MGMT: variants seen among roughly 807,000 people sequenced by gnomAD.
The protein encoded by MGMT is methylated-DNA--protein-cysteine methyltransferase.
In MGMT, 14 loss-of-function variants were observed where a neutral mutation model predicts 15.9. That is an observed-to-expected ratio of 0.88 (90% confidence interval 0.58 to 1.37). The LOEUF (loss-of-function observed/expected upper bound fraction) is 1.37, where lower values mean the gene tolerates loss of function less well. MGMT is among the 40% of genes most tolerant of loss of function. The probability of loss-of-function intolerance (pLI) is 0.00; values close to 1 mark genes in which losing one functional copy is unlikely to be tolerated. For synonymous variants in MGMT, 130 were observed against 118.2 expected (o/e 1.10, Z -0.65); for missense variants, 282 against 268.1 (o/e 1.05, Z -0.36).
chr10:129,734,269 C>T (rs1848535130), intron 3 of MGMT, among the ~76,000 whole-genome samples: 1 of 138,840 alleles, frequency 7.2e-6, no homozygotes, highest in Non-Finnish European at 1.6e-5. Flanking sequence ...TTGAAGAGGT[C>T]CTTCACATCC....
At chr10:129,534,081 CGTT>C (rs1279785364) in intron 1 of MGMT, among the ~76,000 whole-genome samples, 4 of 152,126 alleles carry the variant, frequency 2.6e-5, no homozygotes, top group Non-Finnish European at 4.4e-5. Context: ...CTCGTGCCGA[CGTT>C]GTGATTTGGT....
At chr10:129,627,022 G>A (rs190566069) in intron 2 of MGMT, among the ~76,000 whole-genome samples, 33 of 152,308 alleles carry the variant, frequency 2.2e-4, no homozygotes, top group Admixed American at 3.3e-4. Context: ...GCCACCCGCC[G>A]TGTCCCTCAC....
At chr10:129,679,501 G>C (rs578219513) in intron 2 of MGMT, among the ~76,000 whole-genome samples, 118 of 152,226 alleles carry the variant, frequency 7.8e-4, no homozygotes, top group Non-Finnish European at 1.2e-3. Flanking sequence ...AGAAATGTTG[G>C]TATGTTTCAA....
rs1848977989 is a variant in MGMT at position 129,769,547 on chromosome 10, C to G, written c.*2550C>G. On this transcript the variant is annotated 3_prime_UTR_variant, in exon 5 of 5. Coordinates refer to ENST00000651593, the MANE Select transcript of MGMT (RefSeq NM_002412.5). ...GAGACCCGCCGTGCACGACAGCCAC[C>G]TCGCAGCCACTCAGACCGGCGGACC... is the stretch of plus-strand genomic sequence containing the variant. 6.6e-6 allele frequency: 1 copy of G among 151,878 alleles called. No homozygotes were observed. Among genetic ancestry groups the G allele is most frequent in the South Asian group, 2.1e-4 (1 of 4,814 alleles). The allele number at this position is 151,878 out of a possible 1,614,324, so 9.4% of individuals were successfully genotyped here.
intron 2 of MGMT, among the ~76,000 whole-genome samples, chr10:129,540,566 A>G (rs1385429262): frequency 2.0e-5 from 3 of 152,212 alleles, no homozygotes; most frequent in African/African-American, 4.8e-5. Flanking sequence ...ATGTGTTGAC[A>G]TAGTCATGTG....
At chr10:129,472,328 G>A (rs893517977) in intron 1 of MGMT, among the ~76,000 whole-genome samples, 2 of 152,060 alleles carry the variant, frequency 1.3e-5, no homozygotes, top group Non-Finnish European at 2.9e-5. Context: ...GTCTACCCGG[G>A]TAAGTATAGG....
intron 2 of MGMT, among the ~76,000 whole-genome samples, chr10:129,633,651 C>T (rs188277024): frequency 4.6e-5 from 7 of 152,342 alleles, no homozygotes; most frequent in Admixed American, 3.3e-4. Flanking sequence ...CCTCCCATCT[C>T]ACAGCCCCCA....
chr10:129,642,063 G>C (rs1055230954), intron 2 of MGMT, among the ~76,000 whole-genome samples: 2 of 152,166 alleles, frequency 1.3e-5, no homozygotes, highest in Admixed American at 1.3e-4. Flanking sequence ...AACAGACACA[G>C]AGAACCCTTG....
At chr10:129,508,286 G>A (rs1023406681) in intron 1 of MGMT, among the ~76,000 whole-genome samples, 1 of 152,196 alleles carries the variant, frequency 6.6e-6, no homozygotes, top group Non-Finnish European at 1.5e-5. Context: ...CTGGTGATAC[G>A]TGGCAGGTCC....
chr10:129,598,722 TTAAG>T (rs1846782113), intron 2 of MGMT, among the ~76,000 whole-genome samples: 1 of 152,194 alleles, frequency 6.6e-6, no homozygotes, highest in Non-Finnish European at 1.5e-5. Context: ...TAGTAGATAA[TTAAG>T]TGTCTGCTTC....
chr10:129,716,003 T>C (rs4750767), intron 3 of MGMT, among the ~76,000 whole-genome samples: 152,185 of 152,298 alleles, frequency 1, 76,036 homozygotes, highest in Middle Eastern at 1. Flanking sequence ...GTGTAGCTTC[T>C]GAGGCCGCGT....
intron 2 of MGMT, among the ~76,000 whole-genome samples, chr10:129,614,026 G>A (rs2133070210): frequency 6.6e-6 from 1 of 152,246 alleles, no homozygotes; most frequent in South Asian, 2.1e-4. Flanking sequence ...ACACCGTCGT[G>A]CAGCCATCAC....
chr10:129,717,573 C>T (rs2133151191), intron 3 of MGMT: 1 of 152,314 alleles, frequency 6.6e-6, no homozygotes, highest in Admixed American at 6.5e-5. Flanking sequence ...GGCAAAGACA[C>T]AGCCATTAGC....
chr10:129,543,896 T>C (rs1846071424), intron 2 of MGMT, among the ~76,000 whole-genome samples: 1 of 152,194 alleles, frequency 6.6e-6, no homozygotes, highest in African/African-American at 2.4e-5. Flanking sequence ...CAGAATATGA[T>C]CCAAAGTGTC....
At chr10:129,615,688 C>T (rs751987680) in intron 2 of MGMT, among the ~76,000 whole-genome samples, 4 of 151,912 alleles carry the variant, frequency 2.6e-5, no homozygotes, top group Non-Finnish European at 2.9e-5. Context: ...GGCTGCCGTG[C>T]GGGTGTGGGC....
intron 1 of MGMT, among the ~76,000 whole-genome samples, chr10:129,518,846 G>T (rs1402970271): frequency 3.3e-5 from 5 of 151,848 alleles, no homozygotes; most frequent in Middle Eastern, 6.8e-3. Context: ...TTTTGACTGT[G>T]TGGGGCTTCA....
intron 2 of MGMT, among the ~76,000 whole-genome samples, chr10:129,646,760 A>C (rs1847399879): frequency 9.0e-6 from 1 of 110,502 alleles, no homozygotes; most frequent in Non-Finnish European, 1.9e-5. Context: ...ATATATTTTC[A>C]GGGAATGGTA....
chr10:129,707,073 CCAA>C (rs1379688238), intron 2 of MGMT, among the ~76,000 whole-genome samples: 1 of 152,006 alleles, frequency 6.6e-6, no homozygotes, highest in African/African-American at 2.4e-5. Flanking sequence ...ACCAGCCTGG[CCAA>C]CGTGATGAAG....
intron 2 of MGMT, among the ~76,000 whole-genome samples, chr10:129,618,860 A>T (rs1847058876): frequency 6.6e-6 from 1 of 152,168 alleles, no homozygotes; most frequent in Non-Finnish European, 1.5e-5. Context: ...TTTGCTGAAC[A>T]AATTTATTCT....
Sources: allele counts gnomAD v4.1 joint callset (sites outside exome capture counted in the v4.1 genomes callset), GRCh38; gene constraint gnomAD v4.1.1; transcripts MANE v1.5; gene names NCBI Gene and HGNC (gene_info 2026-07-23, HGNC 2026-07-21).